KANSL1: variants seen among roughly 807,000 people sequenced by gnomAD.
KANSL1 encodes the protein KAT8 regulatory NSL complex subunit 1, also known as MLL1/MLL complex subunit KANSL1.
KANSL1 carries 22 observed loss-of-function variants against 103.6 expected under a neutral mutation model. The ratio of observed to expected loss-of-function variants is 0.21; its 90% CI spans 0.15 to 0.30. The LOEUF (loss-of-function observed/expected upper bound fraction) is 0.30, where lower values mean the gene tolerates loss of function less well. Ranked by LOEUF, KANSL1 falls within the 10% of genes least tolerant of loss-of-function variation. The probability of loss-of-function intolerance (pLI) is 1.00; values close to 1 mark genes in which losing one functional copy is unlikely to be tolerated. For missense variants in KANSL1, 1,337 were observed against 1,399.8 expected, an observed-to-expected ratio of 0.96 and a Z score of 0.72; for synonymous variants, 600 against 527.6, an observed-to-expected ratio of 1.14 and a Z score of -1.88.
Position 46,030,225 on chromosome 17 carries a change from A to G in KANSL1, c.*1251T>C, listed in dbSNP as rs547375618. On this transcript the variant is annotated 3_prime_UTR_variant, in exon 15 of 15. Transcript: ENST00000432791. ...GAAGAAGCACTTTATGCATAGGGAT[A>G]TGGTGCATTATTGTATTTTTTTTTA... 1 of 151,332 alleles carries G rather than the reference A, an allele frequency of 6.6e-6. No homozygotes were observed. The highest frequency in any genetic ancestry group is 2.4e-5 in the African/African-American group (1 of 41,324). 9.4% of individuals were successfully genotyped at this position (151,332 alleles called of 1,614,324 possible).
chr17:46,115,823 A>T (rs1296696118), intron 2 of KANSL1, among the ~76,000 whole-genome samples: 2 of 152,258 alleles, frequency 1.3e-5, no homozygotes. Context: ...CTCTAGGCTC[A>T]TCACAGAGGG....
At chr17:46,080,979 G>C (rs1461938988) in intron 4 of KANSL1, among the ~76,000 whole-genome samples, 1 of 152,090 alleles carries the variant, frequency 6.6e-6, no homozygotes, top group Non-Finnish European at 1.5e-5. Context: ...ACACACACAG[G>C]AATCTTACAA....
At chr17:46,097,828 A>G (rs2042149681) in intron 2 of KANSL1, among the ~76,000 whole-genome samples, 7 of 150,420 alleles carry the variant, frequency 4.7e-5, no homozygotes, top group Admixed American at 3.9e-4. Flanking sequence ...AAAATAAAAA[A>G]GAACAAATCT....
At chr17:46,205,844 G>C (rs1395051073) in intron 1 of KANSL1, among the ~76,000 whole-genome samples, 1 of 152,120 alleles carries the variant, frequency 6.6e-6, no homozygotes, top group African/African-American at 2.4e-5. Flanking sequence ...TTGGTAGACT[G>C]AAGTGGGTGG....
chr17:46,218,266 C>T (rs1361515733), intron 1 of KANSL1, among the ~76,000 whole-genome samples: 5 of 152,368 alleles, frequency 3.3e-5, no homozygotes, highest in South Asian at 2.1e-4. Context: ...TAAGAAAATT[C>T]GCAGCTCAGG....
chr17:46,192,614 C>T (rs1273702794), intron 1 of KANSL1: 4 of 153,112 alleles, frequency 2.6e-5, no homozygotes, highest in Non-Finnish European at 2.9e-5. Context: ...AGGGCCCCCG[C>T]ACACCCCCGC....
At chr17:46,066,431 C>T (rs1223998744) in intron 6 of KANSL1, 106 bp downstream of exon 6, 15 of 964,438 alleles carry the variant, frequency 1.6e-5, no homozygotes, top group Non-Finnish European at 1.8e-5. Flanking sequence ...CCCAGAAGAC[C>T]TTGGTGGTTA....
At chr17:46,164,273 C>G (rs2045890412) in intron 2 of KANSL1, among the ~76,000 whole-genome samples, 1 of 152,230 alleles carries the variant, frequency 6.6e-6, no homozygotes, top group African/African-American at 2.4e-5. Context: ...ATGGGTAACA[C>G]CCAAATTCCT....
rs1357133335 is a variant in KANSL1 at position 46,067,681 on chromosome 17, A to G, written c.1534-14T>C. 1.4e-6 allele frequency: 2 copies of G among 1,398,292 alleles called. No individual in the cohort carries two copies. Among genetic ancestry groups the G allele is most frequent in the Non-Finnish European group, 2.0e-6 (2 of 985,886 alleles). The allele number at this position is 1,398,292 out of a possible 1,614,324, so 86.6% of individuals were successfully genotyped here. A position where few individuals can be genotyped will look rare whatever the true frequency, so the allele number is the denominator to read the frequency against. On this transcript the variant is annotated splice_polypyrimidine_tract_variant and intron_variant, in intron 4 of 14. Coordinates refer to ENST00000432791, the MANE Select transcript of KANSL1 (RefSeq NM_015443.4). ...AACAGACTCAATCTGATTAAGAAAA[A>G]GGAAAAAAGAAATTAACATGTACCC...
chr17:46,176,305 G>C (rs1273296124), intron 1 of KANSL1, among the ~76,000 whole-genome samples: 1 of 152,242 alleles, frequency 6.6e-6, no homozygotes, highest in Non-Finnish European at 1.5e-5. Flanking sequence ...TCACATCACA[G>C]AAGGTGCTTA....
At position 46,173,246 on chromosome 17, in the gene KANSL1, T is replaced by C. The variant is rs541596232; in HGVS notation, c.-89-1014A>G. 2.6e-5 allele frequency among the ~76,000 whole-genome samples: 4 copies of C among 152,348 alleles called. No homozygotes were observed. In the South Asian group the frequency reaches 8.3e-4, roughly 32 times the overall value. ...TCTTCTCTCTCAACAACCACTAGTA[T>C]GGTGAGGTTTCTTAACCATAAGAAA... On this transcript the variant is annotated intron_variant, in intron 1 of 14. Transcript: ENST00000432791.
rs192359804 is a variant in KANSL1, at chr17:46,184,943, G to A, written c.-90+7880C>T. 1.0e-3 allele frequency among the ~76,000 whole-genome samples: 153 copies of A among 150,874 alleles called. 1 individual carries two copies. In the East Asian group the frequency reaches 0.023, roughly 23 times the overall value. ...CAACCTCCACCTCCTGAGTTCAAGC[G>A]TTTCTCCTGCCTCAGCCTCCTGAGT... is the stretch of plus-strand genomic sequence containing the variant. On this transcript the variant is annotated intron_variant, in intron 1 of 14. Coordinates refer to ENST00000432791, the MANE Select transcript of KANSL1 (RefSeq NM_015443.4).
At chr17:46,217,110 C>CA (rs33982904) in intron 1 of KANSL1, among the ~76,000 whole-genome samples, 17 of 110,952 alleles carry the variant, frequency 1.5e-4, no homozygotes, top group African/African-American at 5.1e-4. Flanking sequence ...GACCCTGTCT[C>CA]AAAAAAAAAA....
At chr17:46,052,004 T>C (rs1028835391) in intron 6 of KANSL1, among the ~76,000 whole-genome samples, 1 of 151,904 alleles carries the variant, frequency 6.6e-6, no homozygotes, top group African/African-American at 2.4e-5. Context: ...TACTTTTGTG[T>C]AGACAATATT....
At chr17:46,208,104 C>G (rs552232662) in intron 1 of KANSL1, among the ~76,000 whole-genome samples, 1 of 150,070 alleles carries the variant, frequency 6.7e-6, no homozygotes, top group Non-Finnish European at 1.5e-5. Flanking sequence ...GGCAAAAATC[C>G]GTCTCAAAAA....
At chr17:46,211,924 A>G (rs2048179993) in intron 1 of KANSL1, among the ~76,000 whole-genome samples, 1 of 152,254 alleles carries the variant, frequency 6.6e-6, no homozygotes, top group Non-Finnish European at 1.5e-5. Flanking sequence ...GTGAGGCCCT[A>G]AATTTCTGAG....
intron 2 of KANSL1, among the ~76,000 whole-genome samples, chr17:46,139,483 T>C (rs1411244491): frequency 2.0e-5 from 3 of 152,206 alleles, no homozygotes; most frequent in African/African-American, 7.2e-5. Flanking sequence ...TACTCACCCA[T>C]CTAAATGTGC....
intron 4 of KANSL1, among the ~76,000 whole-genome samples, chr17:46,070,617 T>G (rs906308439): frequency 2.6e-5 from 4 of 152,182 alleles, no homozygotes; most frequent in African/African-American, 9.6e-5. Flanking sequence ...AGGCATGTTA[T>G]AGGTATTCTA....
chr17:46,071,660 T>A (rs1368279958), intron 4 of KANSL1, among the ~76,000 whole-genome samples: 1 of 152,236 alleles, frequency 6.6e-6, no homozygotes, highest in Non-Finnish European at 1.5e-5. Context: ...GTGGTTTACA[T>A]CATTAGTGTT....
Sources: gnomAD v4.1 joint callset for allele counts (sites outside exome capture counted in the v4.1 genomes callset) on GRCh38, gnomAD v4.1.1 for gene constraint, MANE v1.5 for transcripts, NCBI Gene and HGNC (gene_info 2026-07-23, HGNC 2026-07-21) for gene names.